The following PCM1 variants were observed in gnomAD, a reference collection of about 807,000 sequenced individuals.
The protein encoded by PCM1 is pericentriolar material 1 protein.
In PCM1, 157 loss-of-function variants were observed where a neutral mutation model predicts 241.9. That is an observed-to-expected ratio of 0.65 (90% CI 0.57 to 0.74). The LOEUF (loss-of-function observed/expected upper bound fraction) is 0.74, where lower values mean the gene tolerates loss of function less well. Among genes scored for constraint, PCM1 ranks in the 30% least tolerant of loss-of-function variants. PCM1 has a pLI of 0.00. For missense variants in PCM1, 3,478 were observed against 2,360.1 expected (o/e 1.47, Z -9.81); for synonymous variants, 1,085 against 784.9 (o/e 1.38, Z -6.39).
intron 36 of PCM1, chr8:18,025,151 T>C (rs75894561): frequency 4.4e-6 from 1 of 225,756 alleles, no homozygotes; most frequent in Non-Finnish European, 8.5e-6. Context: ...TTTTTTTTTT[T>C]TGTGACAAAA....
chr8:17,929,583 G>A (rs1402315142), intron 2 of PCM1, among the ~76,000 whole-genome samples: 3 of 152,146 alleles, frequency 2.0e-5, no homozygotes, highest in Non-Finnish European at 2.9e-5. Context: ...TTTCTGATCA[G>A]TTTAACTGTG....
chr8:17,997,554 C>A (rs2087349842), intron 29 of PCM1, among the ~76,000 whole-genome samples: 1 of 151,488 alleles, frequency 6.6e-6, no homozygotes, highest in African/African-American at 2.4e-5. Flanking sequence ...TCTTTTGTCT[C>A]CTCAAGTTGT....
intron 26 of PCM1, among the ~76,000 whole-genome samples, chr8:17,988,319 T>C (rs948398328): frequency 2.0e-5 from 3 of 151,850 alleles, no homozygotes; most frequent in Non-Finnish European, 4.4e-5. Context: ...AAAAGATCAT[T>C]AGTTAAGGGA....
rs1554594564 is a variant in PCM1, at chr8:17,927,952, A to AAAC, written c.-23+3173_-23+3175dup. 261 of 151,634 alleles carry AAAC rather than the reference A, an allele frequency of 1.7e-3. 1 individual carries two copies. The highest frequency in any genetic ancestry group is 6.2e-3 in the African/African-American group (253 of 41,108). The allele number at this position is 151,634 out of a possible 1,614,324, so 9.4% of individuals were successfully genotyped here. ...TTGTGTCTTTGTAAAAAAAAAAAAA[A>AAAC]AACCACTAAGGCTGTTAAAAATAGC... On this transcript the variant is annotated intron_variant, in intron 2 of 38. Coordinates refer to ENST00000325083, the MANE Select transcript of PCM1 (RefSeq NM_006197.4).
chr8:17,975,920 T>C (rs960680460), intron 23 of PCM1, among the ~76,000 whole-genome samples: 1 of 152,206 alleles, frequency 6.6e-6, no homozygotes, highest in Non-Finnish European at 1.5e-5. Context: ...CCTGCCTTAC[T>C]GAGTTTTTCT....
chr8:18,022,387 G>A (rs574590071), intron 36 of PCM1, among the ~76,000 whole-genome samples: 1 of 152,192 alleles, frequency 6.6e-6, no homozygotes, highest in African/African-American at 2.4e-5. Context: ...AAGGTCTGAT[G>A]TTCAAAGAAT....
At chr8:17,993,368 G>A (rs2085465119) in intron 28 of PCM1, 115 bp from the exon 29 acceptor site, 2 of 652,672 alleles carry the variant, frequency 3.1e-6, no homozygotes, top group Non-Finnish European at 4.7e-6. Flanking sequence ...ATGTTTCTTT[G>A]TATTATGTTA....
At chr8:18,005,495 A>G (rs1337304888) in intron 29 of PCM1, among the ~76,000 whole-genome samples, 2 of 152,070 alleles carry the variant, frequency 1.3e-5, no homozygotes, top group African/African-American at 4.8e-5. Context: ...TGAACTGAGA[A>G]AAGGTTTAGG....
chr8:17,980,656 C>T lies in PCM1; in HGVS notation c.4009C>T (p.Gln1337Ter). 6.2e-7 allele frequency: 1 copy of T among 1,613,280 alleles called. No individual in the cohort carries two copies. Among genetic ancestry groups the T allele is most frequent in the Non-Finnish European group, 8.5e-7 (1 of 1,179,484 alleles). Residue 1337 changes from glutamine (Q) to a stop codon, truncating the protein, a stop_gained, in exon 24 of 39, where the codon CAG becomes TAG. Transcript: ENST00000325083. LOFTEE classifies it high-confidence loss of function. Reference protein sequence around the residue: ...PCKSRNRHSAQTEEPVQAKVF... With the variant: ...PCKSRNRHSA ...CAAAAGTAGGAACAGACATTCAGCC[C>T]AGACTGAAGAGCCTGTTCAAGCAAA... is the stretch of plus-strand genomic sequence containing the variant.
chr8:17,982,017 A>G (rs112055189), intron 24 of PCM1, among the ~76,000 whole-genome samples: 5 of 152,236 alleles, frequency 3.3e-5, no homozygotes, highest in African/African-American at 1.2e-4. Flanking sequence ...CAAAATGTTA[A>G]TAGTGGTTTT....
Position 17,967,066 on chromosome 8 carries a change from C to G in PCM1, c.3308C>G (p.Ser1103Trp). ...PGGKERGSSA[S>W]HPPSPSLFCP... ...GGCAAGGAAAGAGGCAGTAGTGCAT[C>G]GCACCCTCCTTCTCCCAGTTTATTT... The change falls in exon 21 of 39, where the codon TCG becomes TGG. Residue 1103 changes from serine (S) to tryptophan (W), a missense_variant. By Grantham distance (177) the Ser-to-Trp change is radical. Transcript: ENST00000325083. 5 of 1,609,300 alleles carry G rather than the reference C, an allele frequency of 3.1e-6. No homozygotes were observed. Among genetic ancestry groups the G allele is most frequent in the Non-Finnish European group, 4.2e-6 (5 of 1,177,494 alleles).
rs553758086 is a variant in PCM1, at chr8:17,949,214, T to C, written c.962-1401T>C. Among the ~76,000 whole-genome samples the C allele has an allele frequency of 1.4e-4, 21 of 152,290 alleles. No individual in the cohort carries two copies. In the South Asian group the frequency reaches 4.3e-3, roughly 32 times the overall value. On this transcript the variant is annotated intron_variant, in intron 7 of 38. Coordinates refer to ENST00000325083, the MANE Select transcript of PCM1 (RefSeq NM_006197.4). Reference sequence around the variant, plus strand: ...ATTTAGTCTTGTATTTATGAGATTTTGCAGGGGCATGCTAATGAAAAGCCA... The same window carrying C: ...ATTTAGTCTTGTATTTATGAGATTTCGCAGGGGCATGCTAATGAAAAGCCA...
At chr8:17,970,125 C>T (rs1368237520) in intron 22 of PCM1, among the ~76,000 whole-genome samples, 3 of 152,020 alleles carry the variant, frequency 2.0e-5, no homozygotes, top group African/African-American at 7.2e-5. Flanking sequence ...GAATCACTTC[C>T]TAAAGCCTAT....
At chr8:17,948,648 G>T (rs1333820731) in intron 7 of PCM1, among the ~76,000 whole-genome samples, 1 of 152,000 alleles carries the variant, frequency 6.6e-6, no homozygotes, top group African/African-American at 2.4e-5. Context: ...ATAGAGTACT[G>T]TATACAGTAA....
In PCM1 at chr8:17,939,715, C is replaced by A. The variant is rs992268517; in HGVS notation, c.637C>A (p.Arg213Ser). The change falls in exon 6 of 39, where the codon CGC (arginine) becomes AGC (serine). Residue 213 changes from arginine (R) to serine (S), a missense_variant. Coordinates refer to ENST00000325083, the MANE Select transcript of PCM1 (RefSeq NM_006197.4). ...GATTGTAAGCAGGCTTGTTCAAATT[C>A]GCGATTATATTACTAAAGCTAGTTC... is the stretch of plus-strand genomic sequence containing the variant. ...SQIVSRLVQI[R>S]DYITKASSMR... is the part of the protein sequence containing the mutation. 1 of 1,536,926 alleles carries A rather than the reference C, an allele frequency of 6.5e-7. No individual in the cohort carries two copies. Among genetic ancestry groups the A allele is most frequent in the Middle Eastern group, 1.7e-4 (1 of 5,858 alleles).
intron 2 of PCM1, among the ~76,000 whole-genome samples, chr8:17,934,414 A>G (rs1459779297): frequency 6.6e-6 from 1 of 151,964 alleles, no homozygotes; most frequent in Admixed American, 6.6e-5. Context: ...GGCACCTGCC[A>G]CCACACCCGG....
intron 36 of PCM1, among the ~76,000 whole-genome samples, chr8:18,019,443 A>G (rs956885020): frequency 2.6e-5 from 4 of 152,090 alleles, no homozygotes; most frequent in African/African-American, 9.7e-5. Context: ...TGTATATTTT[A>G]TTTCTATTAT....
chr8:17,994,001 G>T (rs923447505), intron 29 of PCM1, among the ~76,000 whole-genome samples: 1 of 152,022 alleles, frequency 6.6e-6, no homozygotes, highest in Non-Finnish European at 1.5e-5. Context: ...GGTAAATGGG[G>T]TATCCATCCC....
At chr8:17,965,190 A>G (rs1349070651) in intron 18 of PCM1, among the ~76,000 whole-genome samples, 6 of 152,184 alleles carry the variant, frequency 3.9e-5, no homozygotes, top group South Asian at 2.1e-4. Context: ...CAGAGCTTCC[A>G]TGGTTTCCTC....
Sources: allele counts gnomAD v4.1 joint callset (sites outside exome capture counted in the v4.1 genomes callset), GRCh38; gene constraint gnomAD v4.1.1; transcripts MANE v1.5; gene names NCBI Gene and HGNC (gene_info 2026-07-23, HGNC 2026-07-21).